Variants in NYAP2 observed in about 807,000 individuals in gnomAD.
NYAP2 encodes the protein neuronal tyrosine-phosphorylated phosphoinositide-3-kinase adaptor 2, also known as neuronal tyrosine-phosphorylated phosphoinositide-3-kinase adapter 2.
NYAP2 carries 23 observed loss-of-function variants against 50.4 expected under a neutral mutation model. The ratio of observed to expected loss-of-function variants is 0.46; its 90% CI spans 0.33 to 0.65. The LOEUF is 0.65. Among genes scored for constraint, NYAP2 ranks in the 30% least tolerant of loss-of-function variants. The pLI is 0.02. For missense variants in NYAP2, 885 were observed against 861.0 expected (o/e 1.03, Z -0.35); for synonymous variants, 394 against 365.2 (o/e 1.08, Z -0.90).
At chr2:225,646,536 A>C (rs1166805546) in intron 6 of NYAP2, among the ~76,000 whole-genome samples, 1 of 152,156 alleles carries the variant, frequency 6.6e-6, no homozygotes, top group Non-Finnish European at 1.5e-5. Context: ...GGGCAACAAG[A>C]GCAGAACTCG....
At chr2:225,610,932 C>A (rs1692870786) in intron 5 of NYAP2, among the ~76,000 whole-genome samples, 1 of 152,110 alleles carries the variant, frequency 6.6e-6, no homozygotes, top group Non-Finnish European at 1.5e-5. Flanking sequence ...AACAATAGAA[C>A]CATTTTGTTA....
At chr2:225,494,528 T>C (rs1379115374) in intron 3 of NYAP2, among the ~76,000 whole-genome samples, 1 of 152,234 alleles carries the variant, frequency 6.6e-6, no homozygotes, top group East Asian at 1.9e-4. Context: ...GCCTGTCTCC[T>C]GGCTGTTAAA....
At chr2:225,679,212 A>G in the NYAP2 span, among the ~76,000 whole-genome samples, 2 of 152,110 alleles carry the variant, frequency 1.3e-5, no homozygotes, top group Non-Finnish European at 2.9e-5. Flanking sequence ...ATTTGAGAAA[A>G]AAAAGGTAGA....
At chr2:225,664,709 C>G in the NYAP2 span, among the ~76,000 whole-genome samples, 1 of 113,484 alleles carries the variant, frequency 8.8e-6, no homozygotes, top group Non-Finnish European at 2.0e-5. Flanking sequence ...CCCGTCTCTA[C>G]TAAAAATACA....
At chr2:225,692,884 C>T in the NYAP2 span, among the ~76,000 whole-genome samples, 3 of 151,892 alleles carry the variant, frequency 2.0e-5, no homozygotes, top group Non-Finnish European at 2.9e-5. Context: ...CACACACACA[C>T]ACACACACAT....
chr2:225,421,341 G>GA (rs1695211606), intron 3 of NYAP2, among the ~76,000 whole-genome samples: 1 of 152,172 alleles, frequency 6.6e-6, no homozygotes, highest in Non-Finnish European at 1.5e-5. Flanking sequence ...AAATAGGATT[G>GA]AAAATCATTT....
chr2:225,476,561 T>A (rs892695814), intron 3 of NYAP2, among the ~76,000 whole-genome samples: 10 of 152,202 alleles, frequency 6.6e-5, no homozygotes, highest in Non-Finnish European at 1.0e-4. Flanking sequence ...ATATATATTT[T>A]ATGACACACT....
chr2:225,431,452 C>T (rs1416546191), intron 3 of NYAP2, among the ~76,000 whole-genome samples: 1 of 152,176 alleles, frequency 6.6e-6, no homozygotes, highest in Admixed American at 6.5e-5. Context: ...AAACAGGCAA[C>T]TCCCAAGATC....
At chr2:225,459,564 T>C (rs919509387) in intron 3 of NYAP2, among the ~76,000 whole-genome samples, 13 of 152,208 alleles carry the variant, frequency 8.5e-5, no homozygotes, top group Admixed American at 4.6e-4. Context: ...TATATACATT[T>C]GAAAGTGAAC....
intron 4 of NYAP2, among the ~76,000 whole-genome samples, chr2:225,523,019 A>G (rs1296995146): frequency 6.6e-6 from 1 of 152,122 alleles, no homozygotes; most frequent in African/African-American, 2.4e-5. Flanking sequence ...TTGAAGAAAA[A>G]GGAGTGGAAA....
At chr2:225,501,189 T>C (rs542627041) in intron 3 of NYAP2, among the ~76,000 whole-genome samples, 2 of 152,306 alleles carry the variant, frequency 1.3e-5, no homozygotes, top group South Asian at 4.1e-4. Context: ...GTGTTCTCCC[T>C]CTAGGTCCAA....
chr2:225,650,044 T>C (rs2106271684), intron 6 of NYAP2, among the ~76,000 whole-genome samples: 1 of 152,222 alleles, frequency 6.6e-6, no homozygotes, highest in South Asian at 2.1e-4. Context: ...AGGTGAAGCA[T>C]TGTTGAATAG....
At chr2:225,602,874 G>A (rs1017370864) in intron 5 of NYAP2, among the ~76,000 whole-genome samples, 1 of 152,042 alleles carries the variant, frequency 6.6e-6, no homozygotes, top group East Asian at 1.9e-4. Flanking sequence ...TTTTGAAATC[G>A]GGCCATGTGA....
At chr2:225,581,476 G>A (rs1692266956) in intron 4 of NYAP2, among the ~76,000 whole-genome samples, 1 of 152,182 alleles carries the variant, frequency 6.6e-6, no homozygotes, top group South Asian at 2.1e-4. Context: ...ATGCAAGCAA[G>A]ATGTGTTCAC....
intron 4 of NYAP2, among the ~76,000 whole-genome samples, chr2:225,548,514 T>C (rs73089028): frequency 0.027 from 4,171 of 151,890 alleles, 183 homozygotes; most frequent in African/African-American, 0.094. Flanking sequence ...CTCTGGAGAG[T>C]TGGAGGTTTA....
At chr2:225,675,243 G>A in the NYAP2 span, among the ~76,000 whole-genome samples, 1 of 152,026 alleles carries the variant, frequency 6.6e-6, no homozygotes, top group Non-Finnish European at 1.5e-5. Context: ...CCATCACCAA[G>A]GCAGTAAGCA....
At chr2:225,572,609 C>A (rs1356075154) in intron 4 of NYAP2, among the ~76,000 whole-genome samples, 1 of 152,096 alleles carries the variant, frequency 6.6e-6, no homozygotes, top group Non-Finnish European at 1.5e-5. Context: ...ATGGGAATTA[C>A]AATTTAAGAT....
At chr2:225,523,151 A>G (rs917621634) in intron 4 of NYAP2, among the ~76,000 whole-genome samples, 2 of 152,088 alleles carry the variant, frequency 1.3e-5, no homozygotes, top group Non-Finnish European at 2.9e-5. Flanking sequence ...CTCAGTTCCT[A>G]GTGCAGATCT....
At chr2:225,628,503 A>T (rs1574718298) in intron 6 of NYAP2, among the ~76,000 whole-genome samples, 1 of 151,814 alleles carries the variant, frequency 6.6e-6, no homozygotes, top group African/African-American at 2.4e-5. Context: ...TTGTATTTTT[A>T]ATAGAGACGG....
Sources: gnomAD v4.1 joint callset for allele counts (sites outside exome capture counted in the v4.1 genomes callset) on GRCh38, gnomAD v4.1.1 for gene constraint, MANE v1.5 for transcripts, NCBI Gene and HGNC (gene_info 2026-07-23, HGNC 2026-07-21) for gene names.